The following PKNOX2 variants were observed in gnomAD, a reference collection of about 807,000 sequenced individuals.
PKNOX2 encodes the protein PBX/knotted 1 homeobox 2.
In PKNOX2, 14 loss-of-function variants were observed where a neutral mutation model predicts 53.1. The ratio of observed to expected loss-of-function variants is 0.26; its 90% CI spans 0.17 to 0.41. The LOEUF is 0.41. Ranked by LOEUF, PKNOX2 falls within the 10% of genes least tolerant of loss-of-function variation. The pLI, the probability that PKNOX2 is intolerant of heterozygous loss-of-function variation, is 1.00. For synonymous variants in PKNOX2, 257 were observed against 242.8 expected (o/e 1.06, Z -0.54); for missense variants, 496 against 602.8 (o/e 0.82, Z 1.85).
intron 2 of PKNOX2, among the ~76,000 whole-genome samples, chr11:125,272,398 T>C (rs969978010): frequency 6.6e-6 from 1 of 152,214 alleles, no homozygotes; most frequent in Admixed American, 6.5e-5. Context: ...ACATCAACCC[T>C]GAGATGAATG....
chr11:125,426,718 C>T (rs1956447144), intron 10 of PKNOX2, among the ~76,000 whole-genome samples: 1 of 152,140 alleles, frequency 6.6e-6, no homozygotes, highest in Admixed American at 6.5e-5. Context: ...GCCTCTTTGC[C>T]TGTCTGCACA....
At position 125,292,814 on chromosome 11, in the gene PKNOX2, A is replaced by G. The variant is rs975526424; in HGVS notation, c.-129-39005A>G. ...TATACCTGAGAAGTGCTTGCCCTAA[A>G]AGAGAGGAAGTACCACCTTTCAAGA... On this transcript the variant is annotated intron_variant, in intron 2 of 12. Coordinates refer to ENST00000298282, the MANE Select transcript of PKNOX2 (RefSeq NM_001382323.2). Among the ~76,000 whole-genome samples, 10 of 152,152 alleles carry G rather than the reference A, an allele frequency of 6.6e-5. 1 individual carries two copies. The highest frequency in any genetic ancestry group is 2.4e-4 in the African/African-American group (10 of 41,434).
chr11:125,177,648 C>G (rs1473054900), intron 1 of PKNOX2, among the ~76,000 whole-genome samples: 1 of 152,178 alleles, frequency 6.6e-6, no homozygotes, highest in Admixed American at 6.5e-5. Flanking sequence ...TTCATGAGTT[C>G]CTTTCCCGTC....
chr11:125,360,298 C>A (rs973981006), intron 4 of PKNOX2, among the ~76,000 whole-genome samples: 10 of 151,798 alleles, frequency 6.6e-5, no homozygotes, highest in African/African-American at 2.4e-4. Flanking sequence ...GGAGTGGGGG[C>A]ACTGGGGCCG....
intron 4 of PKNOX2, among the ~76,000 whole-genome samples, chr11:125,354,984 G>A (rs183305385): frequency 2.6e-4 from 39 of 152,238 alleles, no homozygotes; most frequent in South Asian, 8.3e-4. Context: ...GTGCAAAAGC[G>A]GGCTGGGCAT....
intron 2 of PKNOX2, among the ~76,000 whole-genome samples, chr11:125,322,615 C>A (rs1949588725): frequency 6.6e-6 from 1 of 152,182 alleles, no homozygotes. Context: ...CAGAACTCCC[C>A]ATGGATGATG....
At chr11:125,395,655 T>G (rs1234257159) in intron 6 of PKNOX2, among the ~76,000 whole-genome samples, 1 of 152,236 alleles carries the variant, frequency 6.6e-6, no homozygotes, top group Admixed American at 6.5e-5. Flanking sequence ...GTGGTTTTAA[T>G]TTGCATTTCC....
At chr11:125,211,839 A>G (rs1939886954) in intron 1 of PKNOX2, among the ~76,000 whole-genome samples, 1 of 152,104 alleles carries the variant, frequency 6.6e-6, no homozygotes, top group Non-Finnish European at 1.5e-5. Context: ...CTGGAGAATC[A>G]GTATTGAGGG....
chr11:125,309,819 G>C (rs968541713), intron 2 of PKNOX2, among the ~76,000 whole-genome samples: 10 of 152,286 alleles, frequency 6.6e-5, no homozygotes, highest in Middle Eastern at 3.4e-3. Flanking sequence ...ATTTCAGTGT[G>C]TGGAATGATC....
At chr11:125,192,840 C>T (rs1351424855) in intron 1 of PKNOX2, among the ~76,000 whole-genome samples, 1 of 152,152 alleles carries the variant, frequency 6.6e-6, no homozygotes, top group Non-Finnish European at 1.5e-5. Flanking sequence ...CTTGGTTTTG[C>T]TTTTTTGAGG....
At chr11:125,337,645 T>C (rs1440812459) in intron 3 of PKNOX2, among the ~76,000 whole-genome samples, 1 of 152,224 alleles carries the variant, frequency 6.6e-6, no homozygotes, top group Non-Finnish European at 1.5e-5. Flanking sequence ...TTCTTAGCGC[T>C]GGGATCTTTT....
At chr11:125,265,673 G>A (rs1002771260) in intron 2 of PKNOX2, among the ~76,000 whole-genome samples, 6 of 152,174 alleles carry the variant, frequency 3.9e-5, no homozygotes, top group African/African-American at 1.4e-4. Context: ...TTTCTGAGGG[G>A]TCTAAGCCCC....
chr11:125,369,899 C>T (rs1952432875), intron 5 of PKNOX2, among the ~76,000 whole-genome samples: 1 of 152,130 alleles, frequency 6.6e-6, no homozygotes, highest in Admixed American at 6.5e-5. Flanking sequence ...CAAAGTATGG[C>T]CTGTGGACTG....
At chr11:125,417,773 G>C (rs577066222) in intron 10 of PKNOX2, among the ~76,000 whole-genome samples, 12 of 152,014 alleles carry the variant, frequency 7.9e-5, no homozygotes, top group Non-Finnish European at 1.5e-4. Flanking sequence ...CCGGTCTTCA[G>C]ACCTCACAGC....
intron 2 of PKNOX2, among the ~76,000 whole-genome samples, chr11:125,313,652 C>T (rs1258082133): frequency 6.6e-6 from 1 of 152,216 alleles, no homozygotes; most frequent in East Asian, 1.9e-4. Context: ...ATGCCCTTTC[C>T]TAGCTGTGAT....
chr11:125,227,801 T>C (rs1941837448), intron 1 of PKNOX2, among the ~76,000 whole-genome samples: 1 of 152,260 alleles, frequency 6.6e-6, no homozygotes, highest in African/African-American at 2.4e-5. Context: ...TGCTGTCCCT[T>C]AAGTCAATAT....
In PKNOX2 at chr11:125,410,254, T is replaced by C. The variant is rs764483870; in HGVS notation, c.647T>C (p.Ile216Thr). 1.9e-6 allele frequency: 3 copies of C among 1,613,744 alleles called. No homozygotes were observed. Among genetic ancestry groups the C allele is most frequent in the Non-Finnish European group, 2.5e-6 (3 of 1,179,932 alleles). The part of the protein sequence containing the change: ...MSGVSNNPQG[I>T]VVPASALQQG... ...GGAGTCTCCAATAACCCCCAGGGGA[T>C]TGTGGTCCCAGCCTCAGCGCTCCAG... The change falls in exon 8 of 13, where the codon ATT (isoleucine) becomes ACT (threonine). Residue 216 changes from isoleucine to threonine, a missense_variant. Coordinates refer to ENST00000298282, the MANE Select transcript of PKNOX2 (RefSeq NM_001382323.2).
At chr11:125,303,688 G>A (rs1364374768) in intron 2 of PKNOX2, among the ~76,000 whole-genome samples, 2 of 152,170 alleles carry the variant, frequency 1.3e-5, no homozygotes, top group Non-Finnish European at 2.9e-5. Flanking sequence ...GGCAGAAATG[G>A]AGGACAAAGC....
At chr11:125,278,225 A>C (rs892678890) in intron 2 of PKNOX2, among the ~76,000 whole-genome samples, 1 of 152,038 alleles carries the variant, frequency 6.6e-6, no homozygotes, top group Non-Finnish European at 1.5e-5. Flanking sequence ...TCTAAAAAAA[A>C]AAAAAAAAAA....
Sources: gnomAD v4.1 joint callset for allele counts (sites outside exome capture counted in the v4.1 genomes callset) on GRCh38, gnomAD v4.1.1 for gene constraint, MANE v1.5 for transcripts, NCBI Gene and HGNC (gene_info 2026-07-23, HGNC 2026-07-21) for gene names.